The following MYO1H variants were observed in gnomAD, a reference collection of about 807,000 sequenced individuals.
MYO1H encodes unconventional myosin-Ih.
A neutral mutation model predicts 149.3 loss-of-function variants in MYO1H; 118 were observed. That is an observed-to-expected ratio of 0.79 (90% CI 0.68 to 0.92). The LOEUF is 0.92. Among genes scored for constraint, MYO1H ranks in the 40% least tolerant of loss-of-function variants. The pLI, the probability that MYO1H is intolerant of heterozygous loss-of-function variation, is 0.00. For missense variants in MYO1H, 1,212 were observed against 1,280.7 expected, an observed-to-expected ratio of 0.95 and a Z score of 0.82; for synonymous variants, 447 against 465.2, an observed-to-expected ratio of 0.96 and a Z score of 0.50.
At chr12:109,315,382 T>C in the MYO1H span, among the ~76,000 whole-genome samples, 10 of 152,238 alleles carry the variant, frequency 6.6e-5, no homozygotes, top group Non-Finnish European at 1.5e-4. Flanking sequence ...AATCTGGGTC[T>C]ACATTATTAG....
intron 6 of MYO1H, 32 bp downstream of exon 6, chr12:109,401,304 T>G (rs1385885780): frequency 6.3e-7 from 1 of 1,581,512 alleles, no homozygotes; most frequent in Admixed American, 1.8e-5. Flanking sequence ...CTTTGGTGAC[T>G]CTTTGGAGCA....
At chr12:109,349,705 A>C (rs1332565633) in intron 1 of MYO1H, among the ~76,000 whole-genome samples, 1 of 151,302 alleles carries the variant, frequency 6.6e-6, no homozygotes, top group Non-Finnish European at 1.5e-5. Context: ...TCATGCCTGT[A>C]ATCCCAGCAC....
At chr12:109,344,221 G>A (rs540728610), upstream of MYO1H, among the ~76,000 whole-genome samples, 5 of 152,266 alleles carry the variant, frequency 3.3e-5, no homozygotes, top group African/African-American at 9.6e-5. Context: ...AACAGTTGAT[G>A]TTGACCTGAC....
rs372084184 is a variant in MYO1H at position 109,440,771 on chromosome 12, G to C, written c.2482G>C (p.Val828Leu). 3.8e-6 allele frequency: 6 copies of C among 1,564,244 alleles called. No individual in the cohort carries two copies. The East Asian group carries it at 1.4e-4, about 37-fold the overall frequency. The change falls in exon 25 of 32, where the codon GTG becomes CTG. Residue 828 changes from valine (V) to leucine (L), a missense_variant. By Grantham distance (32) the Val-to-Leu change is conservative. Coordinates refer to ENST00000310903, the Ensembl canonical transcript of MYO1H. ...ATCAGATCTGCTCAGGAAAATGTGCGTGAGGAACCTGGTGCAGAAGTACTG... is the reference window on the plus strand; with the variant it reads ...ATCAGATCTGCTCAGGAAAATGTGCCTGAGGAACCTGGTGCAGAAGTACTG...
chr12:109,432,833 G>A lies in MYO1H; in HGVS notation c.1950-64G>A, dbSNP rs564012717. 1.9e-5 allele frequency: 27 copies of A among 1,387,430 alleles called. No homozygotes were observed. The East Asian group carries it at 6.2e-4, about 32-fold the overall frequency. The allele number at this position is 1,387,430 out of a possible 1,614,324, so 85.9% of individuals were successfully genotyped here. A position where few individuals can be genotyped will look rare whatever the true frequency, so the allele number is the denominator to read the frequency against. On this transcript the variant is annotated intron_variant, in intron 19 of 31. Coordinates refer to ENST00000310903, the Ensembl canonical transcript of MYO1H. ...GTGCTCAGCAGGCCTCTGGGGCCGGGGATGTGGGGGAGGGCTAGAGGAAGG... is the reference window on the plus strand; with the variant it reads ...GTGCTCAGCAGGCCTCTGGGGCCGGAGATGTGGGGGAGGGCTAGAGGAAGG...
chr12:109,311,532 A>ATTTT, the MYO1H span, among the ~76,000 whole-genome samples: 1 of 152,246 alleles, frequency 6.6e-6, no homozygotes, highest in African/African-American at 2.4e-5. Flanking sequence ...GAACCATAAA[A>ATTTT]TGCAAGGCTT....
At chr12:109,362,647 C>T (rs1592779883) in intron 1 of MYO1H, among the ~76,000 whole-genome samples, 1 of 152,078 alleles carries the variant, frequency 6.6e-6, no homozygotes, top group South Asian at 2.1e-4. Context: ...GGTAATAAAC[C>T]GGGAGAAACT....
intron 18 of MYO1H, among the ~76,000 whole-genome samples, 153 bp from the exon 19 acceptor site, chr12:109,427,316 C>CAAA (rs34644066): frequency 4.5e-4 from 46 of 101,222 alleles, no homozygotes; most frequent in African/African-American, 1.6e-3. Flanking sequence ...AACCCCATCT[C>CAAA]AAAAAAAAAA....
rs1165995755 is a variant in MYO1H, at chr12:109,442,795, C to CTGCCTTTTT, written c.2688+524_2688+525insGCCTTTTTT. The stretch of plus-strand genomic sequence containing the variant: ...GTGATCGTGTGTGCCAGTGTCTGCT[C>CTGCCTTTTT]TTTTTTTTTTTTTTTTTTTTTTTGT... On this transcript the variant is annotated intron_variant, in intron 27 of 31. Transcript: ENST00000310903. Among the ~76,000 whole-genome samples the CTGCCTTTTT allele has an allele frequency of 2.0e-4, 19 of 94,036 alleles. 3 individuals are homozygous for CTGCCTTTTT. In the East Asian group the frequency reaches 3.5e-3, roughly 18 times the overall value. 61.7% of individuals were successfully genotyped at this position (94,036 alleles called of 152,430 possible).
exon 32 of MYO1H, chr12:109,448,367 A>G (rs1013113400): frequency 2.0e-5 from 3 of 152,240 alleles, no homozygotes; most frequent in African/African-American, 7.2e-5. Context: ...TGGAACTCAC[A>G]TGTGTCAAGG....
At position 109,447,139 on chromosome 12, in the gene MYO1H, G is replaced by A. The variant is rs148390785; in HGVS notation, c.3094-20G>A. 6 of 1,593,924 alleles carry A rather than the reference G, an allele frequency of 3.8e-6. No homozygotes were observed. The highest frequency in any genetic ancestry group is 2.7e-5 in the African/African-American group (2 of 74,720). On this transcript the variant is annotated intron_variant, in intron 31 of 31. Coordinates refer to ENST00000310903, the Ensembl canonical transcript of MYO1H. The stretch of plus-strand genomic sequence containing the variant: ...AGGGAGCGGGGAAGGGCTGTAAACC[G>A]AAGTGTGACTCTCTCCCAGGTGTCA...
At chr12:109,436,925 C>CCAAAACAAAA (rs113006827) in intron 22 of MYO1H, among the ~76,000 whole-genome samples, 1 of 151,678 alleles carries the variant, frequency 6.6e-6, no homozygotes, top group Admixed American at 6.6e-5. Context: ...CCTGTCTCTA[C>CCAAAACAAAA]CAAAACAAAA....
At chr12:109,370,383 G>A (rs1868956200) in intron 1 of MYO1H, among the ~76,000 whole-genome samples, 1 of 152,174 alleles carries the variant, frequency 6.6e-6, no homozygotes, top group South Asian at 2.1e-4. Flanking sequence ...AGGAGGCAGT[G>A]ACATTGGTCA....
the MYO1H span, among the ~76,000 whole-genome samples, chr12:109,338,626 G>A: frequency 2.0e-5 from 3 of 152,014 alleles, no homozygotes; most frequent in Admixed American, 6.6e-5. Context: ...AAATCAGCCA[G>A]GTGTGATGGC....
chr12:109,438,515 G>A (rs776627241), intron 22 of MYO1H, 21 bp from the exon 23 acceptor site: 36 of 1,599,056 alleles, frequency 2.3e-5, no homozygotes, highest in Non-Finnish European at 3.0e-5. Context: ...ACCTTCTAAT[G>A]CCAGCAGTGA....
chr12:109,341,189 G>GAAAA, the MYO1H span, among the ~76,000 whole-genome samples: 13 of 96,016 alleles, frequency 1.4e-4, no homozygotes, highest in South Asian at 3.9e-4. Context: ...ACTCCATCTC[G>GAAAA]AAAAAAAAAA....
the MYO1H span, among the ~76,000 whole-genome samples, chr12:109,331,608 G>A: frequency 6.6e-6 from 1 of 152,190 alleles, no homozygotes; most frequent in African/African-American, 2.4e-5. Flanking sequence ...TTCGGGAGCG[G>A]TAGCTTTCAC....
intron 1 of MYO1H, among the ~76,000 whole-genome samples, chr12:109,364,427 C>T (rs1868823731): frequency 6.6e-6 from 1 of 152,066 alleles, no homozygotes; most frequent in South Asian, 2.1e-4. Flanking sequence ...CTCGGGGGCT[C>T]AATCCTCCCA....
At position 109,446,283 on chromosome 12, in the gene MYO1H, G is replaced by C. The variant is rs1592826433; in HGVS notation, c.3093+671G>C. The C allele has an allele frequency of 4.1e-6, 4 of 985,156 alleles. No individual in the cohort carries two copies. In the East Asian group the frequency reaches 3.4e-4, roughly 84 times the overall value. 61.0% of individuals were successfully genotyped at this position (985,156 alleles called of 1,614,324 possible). A position where few individuals can be genotyped will look rare whatever the true frequency, so the allele number is the denominator to read the frequency against. On this transcript the variant is annotated intron_variant, in intron 31 of 31. Transcript: ENST00000310903. ...GCTGAGGGTCCCAGTGGTCCTCGCT[G>C]GCTGCTAGTACACGGAGCTTGTTTT... is the stretch of plus-strand genomic sequence containing the variant.
Sources: allele counts gnomAD v4.1 joint callset (sites outside exome capture counted in the v4.1 genomes callset), GRCh38; gene constraint gnomAD v4.1.1; transcripts MANE v1.5; gene names NCBI Gene and HGNC (gene_info 2026-07-23, HGNC 2026-07-21).